The following PPARGC1A variants were observed in gnomAD, a reference collection of about 807,000 sequenced individuals.
The protein encoded by PPARGC1A is peroxisome proliferator-activated receptor gamma coactivator 1-alpha.
In PPARGC1A, 25 loss-of-function variants were observed where a neutral mutation model predicts 88.7. That is an observed-to-expected ratio of 0.28 (90% confidence interval 0.21 to 0.39). The LOEUF (loss-of-function observed/expected upper bound fraction) is 0.39, where lower values mean the gene tolerates loss of function less well. PPARGC1A is among the 10% of genes least tolerant of loss of function. The probability of loss-of-function intolerance (pLI) is 1.00; values close to 1 mark genes in which losing one functional copy is unlikely to be tolerated. For synonymous variants in PPARGC1A, 363 were observed against 355.6 expected, an observed-to-expected ratio of 1.02 and a Z score of -0.24; for missense variants, 880 against 968.7, an observed-to-expected ratio of 0.91 and a Z score of 1.22.
At chr4:24,472,899 C>A in the PPARGC1A span, among the ~76,000 whole-genome samples, 1 of 137,758 alleles carries the variant, frequency 7.3e-6, no homozygotes, top group Non-Finnish European at 1.6e-5. The surrounding 1 kb of genome is among the most constrained non-coding windows in gnomAD (Gnocchi z 4.5). Context: ...AGCGGGCGGG[C>A]GTGTGCGCGC....
the PPARGC1A span, among the ~76,000 whole-genome samples, chr4:24,242,447 TC>T: frequency 1.3e-5 from 2 of 152,184 alleles, no homozygotes; most frequent in Admixed American, 1.3e-4. Context: ...TGGAACACCT[TC>T]CCTCACTTGC....
At chr4:23,811,942 G>T in intron 10 of PPARGC1A, among the ~76,000 whole-genome samples, 1 of 90,146 alleles carries the variant, frequency 1.1e-5, no homozygotes, top group South Asian at 4.2e-4. Context: ...TTTTGAGACA[G>T]AGTCTCACTC....
chr4:24,206,627 T>C, the PPARGC1A span, among the ~76,000 whole-genome samples: 4 of 151,642 alleles, frequency 2.6e-5, no homozygotes, highest in Admixed American at 6.6e-5. Flanking sequence ...AGGCCAGGAG[T>C]TCGAGACCAG....
At chr4:24,139,696 T>C in the PPARGC1A span, among the ~76,000 whole-genome samples, 1 of 152,142 alleles carries the variant, frequency 6.6e-6, no homozygotes, top group South Asian at 2.1e-4. Context: ...GTTAGCATCC[T>C]GTGCGTGCCC....
chr4:23,909,880 T>C, the PPARGC1A span, among the ~76,000 whole-genome samples: 1 of 151,322 alleles, frequency 6.6e-6, no homozygotes, highest in Non-Finnish European at 1.5e-5. Context: ...TGATGAATCA[T>C]ACCAGGTCCA....
the PPARGC1A span, among the ~76,000 whole-genome samples, chr4:24,230,454 CAA>C: frequency 7.7e-3 from 1,167 of 152,256 alleles, 78 homozygotes; most frequent in East Asian, 0.17. Context: ...GAAGAGAGCA[CAA>C]GAGATGTGGT....
Position 23,828,716 on chromosome 4 carries a change from A to G in PPARGC1A, c.553-112T>C, listed in dbSNP as rs61563638. On this transcript the variant is annotated intron_variant, in intron 4 of 12. Transcript: ENST00000264867. ...TCAATGAAGTGTTCAGTCTAAGTGT[A>G]CTAGATCTATGAGCTGTGAATAACT... 4,391 of 899,932 alleles carry G rather than the reference A, an allele frequency of 4.9e-3. 15 individuals are homozygous for G. The highest frequency in any genetic ancestry group is 8.3e-3 in the Admixed American group (351 of 42,216). The allele number at this position is 899,932 out of a possible 1,614,324, so 55.7% of individuals were successfully genotyped here.
chr4:24,182,228 T>A, the PPARGC1A span, among the ~76,000 whole-genome samples: 2 of 152,302 alleles, frequency 1.3e-5, no homozygotes, highest in South Asian at 4.1e-4. Flanking sequence ...CTCCCACTTA[T>A]GAGTGAGAAC....
At chr4:23,802,135 C>T (rs566613308) in intron 11 of PPARGC1A, 89 bp downstream of exon 11, 3 of 1,559,894 alleles carry the variant, frequency 1.9e-6, no homozygotes, top group East Asian at 4.5e-5. Context: ...AAAGCACTTA[C>T]ATTGGCAACT....
At chr4:24,371,865 C>T in the PPARGC1A span, among the ~76,000 whole-genome samples, 2 of 151,584 alleles carry the variant, frequency 1.3e-5, no homozygotes, top group Non-Finnish European at 2.9e-5. Context: ...GCAAGAGAAT[C>T]GTTTGAACCT....
chr4:23,980,576 T>C, the PPARGC1A span, among the ~76,000 whole-genome samples: 2 of 152,058 alleles, frequency 1.3e-5, no homozygotes, highest in East Asian at 3.9e-4. Flanking sequence ...ATCGAAGGGA[T>C]ATAAAGAACT....
chr4:24,242,653 C>G, the PPARGC1A span, among the ~76,000 whole-genome samples: 2 of 152,136 alleles, frequency 1.3e-5, no homozygotes, highest in Non-Finnish European at 2.9e-5. Context: ...ATCTTCACCC[C>G]CTAAACAATT....
At chr4:24,245,960 CTT>C in the PPARGC1A span, among the ~76,000 whole-genome samples, 554 of 151,050 alleles carry the variant, frequency 3.7e-3, 1 homozygote, top group Middle Eastern at 0.021. Flanking sequence ...CACACACACA[CTT>C]ATGCTTGGTC....
the PPARGC1A span, among the ~76,000 whole-genome samples, chr4:24,297,391 T>A: frequency 6.6e-6 from 1 of 152,144 alleles, no homozygotes; most frequent in African/African-American, 2.4e-5. Flanking sequence ...TTCTCGGAAA[T>A]GTACTTTCAA....
the PPARGC1A span, among the ~76,000 whole-genome samples, chr4:24,332,698 C>T: frequency 6.6e-6 from 1 of 152,110 alleles, no homozygotes; most frequent in East Asian, 1.9e-4. Flanking sequence ...TGTAAATGAA[C>T]ATCTGTGCTC....
At chr4:23,924,301 A>C in the PPARGC1A span, among the ~76,000 whole-genome samples, 2 of 152,188 alleles carry the variant, frequency 1.3e-5, no homozygotes, top group African/African-American at 4.8e-5. Flanking sequence ...GCACTCCTTG[A>C]AGGAACGGAA....
the PPARGC1A span, among the ~76,000 whole-genome samples, chr4:23,924,357 G>T: frequency 5.3e-5 from 8 of 152,196 alleles, no homozygotes; most frequent in African/African-American, 1.9e-4. Context: ...GCCAGGCGTG[G>T]TGCCTCGTGT....
the PPARGC1A span, among the ~76,000 whole-genome samples, chr4:24,255,920 A>G: frequency 5.3e-5 from 8 of 152,188 alleles, no homozygotes; most frequent in Non-Finnish European, 1.5e-5. Context: ...TAATACATGT[A>G]AATCCTTGAG....
upstream of PPARGC1A, among the ~76,000 whole-genome samples, chr4:23,899,890 T>TAA (rs1194721686): frequency 6.6e-6 from 1 of 152,152 alleles, no homozygotes; most frequent in African/African-American, 2.4e-5. Context: ...TTCACTGAGC[T>TAA]AAACTCTTAT....
Sources: allele counts gnomAD v4.1 joint callset (sites outside exome capture counted in the v4.1 genomes callset), GRCh38; gene constraint gnomAD v4.1.1; non-coding constraint Gnocchi (gnomAD v3.1); transcripts MANE v1.5; gene names NCBI Gene and HGNC (gene_info 2026-07-23, HGNC 2026-07-21).